ITPKB: variants seen among roughly 807,000 people sequenced by gnomAD.
ITPKB encodes the protein inositol-trisphosphate 3-kinase B, also known as IP3 3-kinase B.
A neutral mutation model predicts 69.4 loss-of-function variants in ITPKB; 13 were observed. The ratio of observed to expected loss-of-function variants is 0.19; its 90% CI spans 0.12 to 0.30. The LOEUF (loss-of-function observed/expected upper bound fraction) is 0.30, where lower values mean the gene tolerates loss of function less well. ITPKB is among the 10% of genes least tolerant of loss of function. The probability of loss-of-function intolerance (pLI) is 1.00; values close to 1 mark genes in which losing one functional copy is unlikely to be tolerated. For missense variants in ITPKB, 1,240 were observed against 1,250.5 expected (o/e 0.99, Z 0.13); for synonymous variants, 584 against 513.7 (o/e 1.14, Z -1.85).
intron 2 of ITPKB, among the ~76,000 whole-genome samples, chr1:226,723,847 T>G (rs1403326246): frequency 6.6e-6 from 1 of 152,112 alleles, no homozygotes; most frequent in Non-Finnish European, 1.5e-5. Flanking sequence ...TTTTTAAACT[T>G]CAAGTTCCAA....
chr1:226,635,521 C>T (rs954339275), intron 7 of ITPKB, among the ~76,000 whole-genome samples: 1 of 152,192 alleles, frequency 6.6e-6, no homozygotes, highest in African/African-American at 2.4e-5. Context: ...TCACACTGCA[C>T]CTGGGCAAAC....
At chr1:226,665,884 G>C (rs1669494635) in intron 2 of ITPKB, among the ~76,000 whole-genome samples, 1 of 152,186 alleles carries the variant, frequency 6.6e-6, no homozygotes, top group Non-Finnish European at 1.5e-5. Flanking sequence ...CCTGTGGTGG[G>C]GCCAGGAGGA....
chr1:226,706,918 A>T (rs1289513666), intron 2 of ITPKB, among the ~76,000 whole-genome samples: 1 of 152,206 alleles, frequency 6.6e-6, no homozygotes, highest in African/African-American at 2.4e-5. Context: ...GCATCCAGGC[A>T]TCAGCTCTCA....
At position 226,632,122 on chromosome 1, in the gene ITPKB, CT is replaced by C. The variant is rs889637519; in HGVS notation, c.*2548del. The C allele has an allele frequency of 2.0e-5, 3 of 152,666 alleles. No individual in the cohort carries two copies. Among genetic ancestry groups the C allele is most frequent in the African/African-American group, 7.2e-5 (3 of 41,458 alleles). 9.5% of individuals were successfully genotyped at this position (152,666 alleles called of 1,614,324 possible). A position where few individuals can be genotyped will look rare whatever the true frequency, so the allele number is the denominator to read the frequency against. On this transcript the variant is annotated 3_prime_UTR_variant, in exon 8 of 8. Coordinates refer to ENST00000429204, the MANE Select transcript of ITPKB (RefSeq NM_002221.4). ...CAAAATAAATATAACTTAAAAATGT[CT>C]TACATGACACTAAAGGCAAGCCTGG...
chr1:226,649,361 CAT>C (rs1491262787), intron 2 of ITPKB, among the ~76,000 whole-genome samples: 27,520 of 113,650 alleles, frequency 0.24, 2,606 homozygotes, highest in African/African-American at 0.44. Flanking sequence ...GATATATGTG[CAT>C]GTGTGCATGT....
At chr1:226,666,796 TTCA>T (rs534978736) in intron 2 of ITPKB, among the ~76,000 whole-genome samples, 1 of 152,250 alleles carries the variant, frequency 6.6e-6, no homozygotes, top group South Asian at 2.1e-4. Flanking sequence ...TCATGCCAAT[TTCA>T]TCATGTCCCT....
chr1:226,688,888 TA>T (rs1403466054), intron 2 of ITPKB, among the ~76,000 whole-genome samples: 1 of 152,124 alleles, frequency 6.6e-6, no homozygotes. Flanking sequence ...TTGCTCCCAT[TA>T]CCAACCACTC....
intron 2 of ITPKB, among the ~76,000 whole-genome samples, chr1:226,651,843 C>T (rs914165224): frequency 6.6e-6 from 1 of 152,212 alleles, no homozygotes; most frequent in Admixed American, 6.5e-5. Flanking sequence ...CCTCTCACAT[C>T]GCTGAGCTCT....
chr1:226,650,078 T>C (rs137937745), intron 2 of ITPKB, among the ~76,000 whole-genome samples: 5 of 152,304 alleles, frequency 3.3e-5, no homozygotes, highest in Middle Eastern at 3.4e-3. Context: ...TGGTACTGCC[T>C]GACAGGGGGA....
At chr1:226,724,039 G>T (rs1162691400) in intron 2 of ITPKB, among the ~76,000 whole-genome samples, 1 of 152,150 alleles carries the variant, frequency 6.6e-6, no homozygotes, top group Non-Finnish European at 1.5e-5. Flanking sequence ...TGGTGGAGGG[G>T]TGTCCTCTAT....
chr1:226,737,275 C>T lies in ITPKB; in HGVS notation c.184G>A (p.Glu62Lys), dbSNP rs958194817. Residue 62 changes from glutamate to lysine, a missense_variant, in exon 2 of 8, where the codon GAG becomes AAG. Physicochemically the swap from Glu to Lys is moderately conservative, Grantham distance 56 (BLOSUM62 1). Around this residue, in one of 2 missense-constraint regions of ITPKB, gnomAD observed 992 missense variants for 853.8 expected, o/e 1.16. Coordinates refer to ENST00000429204, the MANE Select transcript of ITPKB (RefSeq NM_002221.4). ...CGGGGCTCCTCGGGGGACAGCGACT[C>T]GGCTGGGGGGAAGAGGAAAGAGGCG... ...RGASFLFPPA[E>K]SLSPEEPRSP... 3 of 1,554,650 alleles carry T rather than the reference C, an allele frequency of 1.9e-6. No individual in the cohort carries two copies. Among genetic ancestry groups the T allele is most frequent in the Admixed American group, 1.9e-5 (1 of 52,254 alleles).
At chr1:226,674,323 C>A (rs556076749) in intron 2 of ITPKB, among the ~76,000 whole-genome samples, 1 of 152,148 alleles carries the variant, frequency 6.6e-6, no homozygotes, top group Non-Finnish European at 1.5e-5. Flanking sequence ...CCTCAGCCTC[C>A]GAGTAGCTGG....
At chr1:226,666,611 CCAGT>C (rs1478326731) in intron 2 of ITPKB, among the ~76,000 whole-genome samples, 2 of 152,168 alleles carry the variant, frequency 1.3e-5, no homozygotes, top group Admixed American at 6.5e-5. Flanking sequence ...GCCAAAACAG[CCAGT>C]CAATCACTAA....
intron 2 of ITPKB, among the ~76,000 whole-genome samples, chr1:226,677,601 T>C (rs1297301203): frequency 2.6e-5 from 4 of 152,216 alleles, no homozygotes; most frequent in African/African-American, 9.6e-5. Context: ...AGCTCAGAGC[T>C]GCACAGCACT....
chr1:226,686,839 C>T (rs1558085472), intron 2 of ITPKB, among the ~76,000 whole-genome samples: 2 of 152,212 alleles, frequency 1.3e-5, no homozygotes, highest in Non-Finnish European at 2.9e-5. Context: ...GCCCTGGGGG[C>T]CACATATGGC....
In ITPKB at chr1:226,648,727, G is replaced by A. The variant is rs377662917; in HGVS notation, c.1977C>T (p.Pro659=). 10 of 1,613,230 alleles carry A rather than the reference G, an allele frequency of 6.2e-6. No individual in the cohort carries two copies. In the African/African-American group the frequency reaches 1.3e-4, roughly 22 times the overall value. ...RKIKNMVHWS[P]FVMSFKKKYP... is the part of the protein sequence containing the mutation. ...ACTTCTTCTTGAAGGACATGACGAA[G>A]GGAGACCAGTGCACCATGTTTTTTA... Residue 659 remains proline, a synonymous_variant, in exon 3 of 8, where the codon CCC becomes CCT. Coordinates refer to ENST00000429204, the MANE Select transcript of ITPKB (RefSeq NM_002221.4).
chr1:226,734,508 T>C (rs1657688110), intron 2 of ITPKB, among the ~76,000 whole-genome samples: 1 of 152,148 alleles, frequency 6.6e-6, no homozygotes, highest in Admixed American at 6.5e-5. Flanking sequence ...AAATGCAGAC[T>C]TTCCCCCAAT....
chr1:226,649,362 A>ATGTGTGTGCATGTGAT (rs35351352), intron 2 of ITPKB, among the ~76,000 whole-genome samples: 3 of 120,734 alleles, frequency 2.5e-5, no homozygotes, highest in African/African-American at 8.5e-5. Flanking sequence ...ATATATGTGC[A>ATGTGTGTGCATGTGAT]TGTGTGCATG....
chr1:226,713,321 C>T (rs1025732302), intron 2 of ITPKB, among the ~76,000 whole-genome samples: 1 of 152,112 alleles, frequency 6.6e-6, no homozygotes, highest in East Asian at 1.9e-4. Flanking sequence ...CACCATGGGG[C>T]GAAACAGTTC....
Sources: gnomAD v4.1 joint callset for allele counts (sites outside exome capture counted in the v4.1 genomes callset) on GRCh38, gnomAD v4.1.1 for gene constraint, gnomAD v4.1.1 regional missense constraint, MANE v1.5 for transcripts, NCBI Gene and HGNC (gene_info 2026-07-23, HGNC 2026-07-21) for gene names.